DGKD: variants seen among roughly 807,000 people sequenced by gnomAD.
The protein encoded by DGKD is DAG kinase delta.
In DGKD, 68 loss-of-function variants were observed where a neutral mutation model predicts 154.4. The ratio of observed to expected loss-of-function variants is 0.44; its 90% CI spans 0.36 to 0.54. DGKD has a LOEUF of 0.54. DGKD is among the 20% of genes least tolerant of loss of function. The probability of loss-of-function intolerance (pLI) is 0.00; values close to 1 mark genes in which losing one functional copy is unlikely to be tolerated. For synonymous variants in DGKD, 693 were observed against 638.0 expected, an observed-to-expected ratio of 1.09 and a Z score of -1.30; for missense variants, 1,343 against 1,593.6, an observed-to-expected ratio of 0.84 and a Z score of 2.68.
intron 1 of DGKD, among the ~76,000 whole-genome samples, chr2:233,371,613 C>T (rs1033652966): frequency 1.3e-5 from 2 of 152,272 alleles, no homozygotes; most frequent in East Asian, 1.9e-4. Context: ...ATTGCCTAAT[C>T]CAAAGACAAG....
intron 1 of DGKD, among the ~76,000 whole-genome samples, chr2:233,385,115 C>G (rs1367314531): frequency 6.6e-6 from 1 of 152,208 alleles, no homozygotes; most frequent in Non-Finnish European, 1.5e-5. Flanking sequence ...GCCTTTCAGA[C>G]AGAGTCCATT....
intron 1 of DGKD, among the ~76,000 whole-genome samples, chr2:233,371,664 T>C (rs1189788640): frequency 1.3e-5 from 2 of 152,252 alleles, no homozygotes; most frequent in Non-Finnish European, 2.9e-5. Flanking sequence ...TAGTTTCAGC[T>C]ATTATTAATA....
intron 10 of DGKD, among the ~76,000 whole-genome samples, chr2:233,443,233 G>A (rs1244455224): frequency 6.6e-6 from 1 of 152,208 alleles, no homozygotes; most frequent in Non-Finnish European, 1.5e-5. Flanking sequence ...AAAAATGTCT[G>A]ACCTTTACTT....
intron 3 of DGKD, chr2:233,409,074 G>T (rs2061757907): frequency 6.6e-6 from 1 of 152,236 alleles, no homozygotes; most frequent in Non-Finnish European, 1.5e-5. Context: ...ACCAATTGTG[G>T]TGTCTCTTCT....
chr2:233,415,975 A>G (rs1216940228), intron 3 of DGKD, among the ~76,000 whole-genome samples: 1 of 152,222 alleles, frequency 6.6e-6, no homozygotes, highest in Non-Finnish European at 1.5e-5. Context: ...TTTGGAAAAT[A>G]GAGAAAACCA....
chr2:233,425,403 G>T (rs1200338794), intron 3 of DGKD, among the ~76,000 whole-genome samples: 1 of 152,072 alleles, frequency 6.6e-6, no homozygotes. Flanking sequence ...TAGCCAGGAT[G>T]GTCTCGATCT....
intron 1 of DGKD, among the ~76,000 whole-genome samples, chr2:233,382,255 A>T (rs1026532873): frequency 2.6e-5 from 4 of 152,182 alleles, no homozygotes; most frequent in Non-Finnish European, 5.9e-5. Context: ...AAACAAAGAG[A>T]TATGCAAATT....
Position 233,435,925 on chromosome 2 carries a change from G to A in DGKD, c.693+1G>A. The A allele has an allele frequency of 6.2e-7, 1 of 1,605,570 alleles. No homozygotes were observed. Among genetic ancestry groups the A allele is most frequent in the Non-Finnish European group, 8.5e-7 (1 of 1,176,044 alleles). Reference sequence around the variant, plus strand: ...GGACATCATTGAAGATGCAGATGGGGTATGTTAAGAAATACCACCTGTGGG... The same window carrying A: ...GGACATCATTGAAGATGCAGATGGGATATGTTAAGAAATACCACCTGTGGG... On this transcript the variant is annotated splice_donor_variant, in intron 6 of 29. Coordinates refer to ENST00000264057, the MANE Select transcript of DGKD (RefSeq NM_152879.3). LOFTEE classifies it high-confidence loss of function.
chr2:233,397,211 GGGGGGTGC>G (rs1404999899), intron 3 of DGKD, among the ~76,000 whole-genome samples: 1 of 61,894 alleles, frequency 1.6e-5, no homozygotes, highest in Admixed American at 1.3e-4. Flanking sequence ...GCTGGGGGGG[GGGGGGTGC>G]CAGAGTGAGA....
intron 3 of DGKD, among the ~76,000 whole-genome samples, chr2:233,430,857 A>G (rs1338305127): frequency 6.6e-6 from 1 of 152,182 alleles, no homozygotes; most frequent in African/African-American, 2.4e-5. Flanking sequence ...TGCCAATCCC[A>G]TGGGCAAAAA....
chr2:233,417,890 A>G (rs2061998207), intron 3 of DGKD, among the ~76,000 whole-genome samples: 1 of 152,168 alleles, frequency 6.6e-6, no homozygotes, highest in Non-Finnish European at 1.5e-5. Context: ...AGTCCAGGGA[A>G]GCTGCTCAGT....
In DGKD at chr2:233,359,403, T is replaced by A. The variant is rs556956769; in HGVS notation, c.156+4729T>A. On this transcript the variant is annotated intron_variant, in intron 1 of 29. Coordinates refer to ENST00000264057, the MANE Select transcript of DGKD (RefSeq NM_152879.3). ...GGGGATGTTAACTCATAGAATTAAA[T>A]GGGATAATTTGTGTAGAACACCTAA... Among the ~76,000 whole-genome samples, 6 of 152,294 alleles carry A rather than the reference T, an allele frequency of 3.9e-5. No homozygotes were observed. The South Asian group carries it at 1.2e-3, about 32-fold the overall frequency.
rs181642471 is a variant in DGKD at position 233,440,442 on chromosome 2, C to T, written c.1086-1445C>T. ...GATGCAGGGAATGGGTAGGAGCACA[C>T]GCAGGGTCCCCCGGCACTTCAGTGG... On this transcript the variant is annotated intron_variant, in intron 9 of 29. Coordinates refer to ENST00000264057, the MANE Select transcript of DGKD (RefSeq NM_152879.3). This position sits in a 1 kb window ranked among gnomAD's most constrained non-coding sequence, Gnocchi z 4.9. Among the ~76,000 whole-genome samples the T allele has an allele frequency of 3.3e-5, 5 of 152,290 alleles. No homozygotes were observed. The highest frequency in any genetic ancestry group is 2.1e-4 in the South Asian group (1 of 4,830).
intron 1 of DGKD, 42 bp from the exon 2 acceptor site, chr2:233,388,215 C>T: frequency 1.3e-6 from 2 of 1,595,180 alleles, no homozygotes; most frequent in Non-Finnish European, 1.7e-6. Flanking sequence ...TGAAAGGGCA[C>T]CTTGAAAACG....
At chr2:233,389,118 G>T (rs939733583) in intron 2 of DGKD, 5 of 152,328 alleles carry the variant, frequency 3.3e-5, no homozygotes, top group African/African-American at 1.2e-4. Context: ...GCCCGCCTTG[G>T]CCTCCCAAGG....
At chr2:233,437,328 G>A in intron 7 of DGKD, 49 bp from the exon 8 acceptor site, 1 of 1,540,944 alleles carries the variant, frequency 6.5e-7, no homozygotes, top group East Asian at 2.2e-5. Context: ...TTTCTGGTGT[G>A]TGTGAAGGAT....
intron 1 of DGKD, among the ~76,000 whole-genome samples, chr2:233,358,427 T>A (rs1478807268): frequency 7.2e-5 from 11 of 152,228 alleles, no homozygotes; most frequent in Admixed American, 7.2e-4. Flanking sequence ...AGGGTTTAAG[T>A]TGTAAAAAAC....
chr2:233,460,165 C>T, intron 23 of DGKD, 29 bp from the exon 24 acceptor site: 2 of 1,611,390 alleles, frequency 1.2e-6, no homozygotes, highest in Non-Finnish European at 1.7e-6. Context: ...TTCAGAGCAG[C>T]AGGTGTAATT....
rs997098854 is a variant in DGKD, at chr2:233,449,067, C to T, written c.1615-36C>T. On this transcript the variant is annotated intron_variant, in intron 14 of 29. Coordinates refer to ENST00000264057, the MANE Select transcript of DGKD (RefSeq NM_152879.3). This position sits in a 1 kb window ranked among gnomAD's most constrained non-coding sequence, Gnocchi z 5.3. Reference sequence around the variant, plus strand: ...CCTGCCTGCAGACCCTGTTCTCCTGCCTCAGCTCTGCATGCCATTTCCTTT... The same window carrying T: ...CCTGCCTGCAGACCCTGTTCTCCTGTCTCAGCTCTGCATGCCATTTCCTTT... 6.4e-7 allele frequency: 1 copy of T among 1,556,940 alleles called. No homozygotes were observed. The highest frequency in any genetic ancestry group is 8.7e-7 in the Non-Finnish European group (1 of 1,144,972).
Sources: allele counts gnomAD v4.1 joint callset (sites outside exome capture counted in the v4.1 genomes callset), GRCh38; gene constraint gnomAD v4.1.1; non-coding constraint Gnocchi (gnomAD v3.1); transcripts MANE v1.5; gene names NCBI Gene and HGNC (gene_info 2026-07-23, HGNC 2026-07-21).